The following ADGRL2 variants were observed in gnomAD, a reference collection of about 807,000 sequenced individuals.
ADGRL2 encodes the protein adhesion G protein-coupled receptor L2, also known as calcium-independent alpha-latrotoxin receptor 2.
Under a neutral mutation model 157.4 loss-of-function variants are expected in ADGRL2, and 44 were observed. That is an observed-to-expected ratio of 0.28 (90% CI 0.22 to 0.36). The LOEUF is 0.36. ADGRL2 is among the 10% of genes least tolerant of loss of function. ADGRL2 has a pLI of 1.00. For missense variants in ADGRL2, 1,510 were observed against 1,768.9 expected (o/e 0.85, Z 2.63); for synonymous variants, 585 against 624.7 (o/e 0.94, Z 0.95).
rs534278651 is a variant in ADGRL2, at chr1:81,383,703, A to G, written c.-301-61333A>G. Reference sequence around the variant, plus strand: ...GAAGGCCGGGTGCACGGTGGCTCACACCTGTAATCCCAGCACTTTGGGAGG... The same window carrying G: ...GAAGGCCGGGTGCACGGTGGCTCACGCCTGTAATCCCAGCACTTTGGGAGG... On this transcript the variant is annotated intron_variant, in intron 1 of 24. Coordinates refer to the ADGRL2 transcript ENST00000370721. 1.2e-4 allele frequency among the ~76,000 whole-genome samples: 18 copies of G among 149,886 alleles called. No individual in the cohort carries two copies. In the South Asian group the frequency reaches 1.9e-3, roughly 16 times the overall value.
intron 1 of ADGRL2, among the ~76,000 whole-genome samples, chr1:81,343,087 C>CTTTTTTTTTTTTTTTTTTTTTTTTTT (rs764039251): frequency 7.8e-6 from 1 of 127,490 alleles, no homozygotes; most frequent in African/African-American, 2.9e-5. Flanking sequence ...TTTCTTTTTT[C>CTTTTTTTTTTTTTTTTTTTTTTTTTT]TTTTCTTTTT....
chr1:81,876,776 T>G (rs528686365), intron 2 of ADGRL2, among the ~76,000 whole-genome samples: 1 of 152,278 alleles, frequency 6.6e-6, no homozygotes, highest in South Asian at 2.1e-4. Context: ...ATCCTCAGAC[T>G]AGAGAAAAAT....
intron 1 of ADGRL2, among the ~76,000 whole-genome samples, chr1:81,755,506 G>A (rs1390539958): frequency 6.6e-6 from 1 of 152,048 alleles, no homozygotes; most frequent in Non-Finnish European, 1.5e-5. Context: ...GAGGGAAAGA[G>A]CATTCATGGA....
intron 1 of ADGRL2, among the ~76,000 whole-genome samples, chr1:81,431,802 A>T (rs1019986911): frequency 1.3e-5 from 2 of 152,234 alleles, no homozygotes; most frequent in African/African-American, 4.8e-5. Context: ...TTCCCACAGA[A>T]TCTGACAGAA....
intron 2 of ADGRL2, chr1:81,557,482 G>GAAAGAAAGAA (rs370696204): frequency 1.7e-5 from 2 of 119,968 alleles, no homozygotes; most frequent in African/African-American, 6.3e-5. Flanking sequence ...AAGAAAGAAA[G>GAAAGAAAGAA]AAGAAAGAAA....
chr1:81,833,039 T>C (rs1177413505), intron 1 of ADGRL2, among the ~76,000 whole-genome samples: 2 of 152,216 alleles, frequency 1.3e-5, no homozygotes, highest in African/African-American at 4.8e-5. Flanking sequence ...ATTGGGTTAG[T>C]GTCATCCTTT....
At chr1:81,937,473 C>T (rs188854171) in intron 4 of ADGRL2, among the ~76,000 whole-genome samples, 29 of 151,916 alleles carry the variant, frequency 1.9e-4, no homozygotes, top group East Asian at 9.7e-4. Flanking sequence ...AGGTAGGCTT[C>T]GGCCAGTAGT....
intron 2 of ADGRL2, among the ~76,000 whole-genome samples, chr1:81,497,450 G>A (rs373333598): frequency 6.6e-6 from 1 of 151,834 alleles, no homozygotes; most frequent in African/African-American, 2.4e-5. Context: ...ATTCAAGGAT[G>A]TCTTTACACA....
intron 3 of ADGRL2, among the ~76,000 whole-genome samples, chr1:81,595,019 T>C (rs996113922): frequency 1.4e-5 from 2 of 146,758 alleles, no homozygotes; most frequent in Non-Finnish European, 3.1e-5. Context: ...TGACAGGTGC[T>C]AAGAAGGCAA....
At chr1:81,500,890 C>G (rs2078831409) in intron 2 of ADGRL2, among the ~76,000 whole-genome samples, 1 of 152,156 alleles carries the variant, frequency 6.6e-6, no homozygotes, top group East Asian at 1.9e-4. Context: ...AGAGCCCCTT[C>G]TCCAAAGAAA....
At chr1:81,600,726 T>A (rs2081317954) in intron 3 of ADGRL2, among the ~76,000 whole-genome samples, 1 of 152,194 alleles carries the variant, frequency 6.6e-6, no homozygotes, top group South Asian at 2.1e-4. Context: ...TAAAATATAT[T>A]TGTTTGTTTA....
rs1425746494 is a variant in ADGRL2, at chr1:81,991,754, G to C, written c.*609G>C. ...CAATGAACTATTCTCATGAAAAATGGCTAAAGAAATTATATTTTGTTCTAT... is the reference window on the plus strand; with the variant it reads ...CAATGAACTATTCTCATGAAAAATGCCTAAAGAAATTATATTTTGTTCTAT... On this transcript the variant is annotated 3_prime_UTR_variant, in exon 24 of 24. Coordinates refer to ENST00000686636, the MANE Select transcript of ADGRL2 (RefSeq NM_001366006.2). 6.6e-6 allele frequency: 1 copy of C among 152,536 alleles called. No homozygotes were observed. Among genetic ancestry groups the C allele is most frequent in the Non-Finnish European group, 1.5e-5 (1 of 68,032 alleles). 9.4% of individuals were successfully genotyped at this position (152,536 alleles called of 1,614,324 possible). A position where few individuals can be genotyped will look rare whatever the true frequency, so the allele number is the denominator to read the frequency against.
chr1:81,699,534 A>G (rs1225379972), upstream of ADGRL2, among the ~76,000 whole-genome samples: 2 of 152,216 alleles, frequency 1.3e-5, no homozygotes, highest in East Asian at 1.9e-4. Context: ...GAGGGTTTAG[A>G]GACAGGTGGA....
exon 1 of ADGRL2, chr1:81,306,459 T>C (rs1659342242): frequency 1.3e-5 from 2 of 152,122 alleles, no homozygotes; most frequent in Non-Finnish European, 2.9e-5. Flanking sequence ...TGGCTTTACT[T>C]ACAACTTTTT....
intron 3 of ADGRL2, among the ~76,000 whole-genome samples, chr1:81,622,617 C>G (rs982753768): frequency 1.2e-4 from 18 of 152,150 alleles, no homozygotes; most frequent in Middle Eastern, 3.4e-3. Flanking sequence ...GGACCAGGCA[C>G]AGTGGCTCAT....
Position 81,651,255 on chromosome 1 carries a change from G to C in ADGRL2, c.-143+70275G>C, listed in dbSNP as rs181824102. On this transcript the variant is annotated intron_variant, in intron 3 of 24. Coordinates refer to the ADGRL2 transcript ENST00000370721. The stretch of plus-strand genomic sequence containing the variant: ...TCATTTCAGTTTACATTTTCTACTA[G>C]TTACAAGAATTAGAAAAAAAAATCA... Among the ~76,000 whole-genome samples the C allele has an allele frequency of 2.5e-3, 378 of 151,870 alleles. 1 individual carries two copies. The highest frequency in any genetic ancestry group is 3.8e-3 in the Non-Finnish European group (259 of 67,982).
chr1:81,958,120 G>C (rs922353300), intron 11 of ADGRL2, among the ~76,000 whole-genome samples: 1 of 150,264 alleles, frequency 6.7e-6, no homozygotes, highest in South Asian at 2.1e-4. Context: ...AGCCAGGCGT[G>C]GTGGGGGGTG....
chr1:81,514,842 G>T (rs1402928476), intron 2 of ADGRL2: 1 of 152,172 alleles, frequency 6.6e-6, no homozygotes, highest in Non-Finnish European at 1.5e-5. Flanking sequence ...TACCATCTCT[G>T]CAGTGTTGTG....
intron 1 of ADGRL2, among the ~76,000 whole-genome samples, chr1:81,754,665 C>T (rs1410282763): frequency 7.1e-6 from 1 of 140,862 alleles, no homozygotes; most frequent in Non-Finnish European, 1.5e-5. Flanking sequence ...TTCCTCCCTC[C>T]CTTCCTCCTT....
Sources: allele counts gnomAD v4.1 joint callset (sites outside exome capture counted in the v4.1 genomes callset), GRCh38; gene constraint gnomAD v4.1.1; transcripts MANE v1.5; gene names NCBI Gene and HGNC (gene_info 2026-07-23, HGNC 2026-07-21).